SOX5: variants seen among roughly 807,000 people sequenced by gnomAD.
SOX5 encodes transcription factor SOX-5.
SOX5 carries 9 observed loss-of-function variants against 92.0 expected under a neutral mutation model. The observed-to-expected ratio is 0.10, with a 90% CI of 0.06 to 0.17. The LOEUF (loss-of-function observed/expected upper bound fraction) is 0.17, where lower values mean the gene tolerates loss of function less well. Among genes scored for constraint, SOX5 ranks in the 10% least tolerant of loss-of-function variants. The probability of loss-of-function intolerance (pLI) is 1.00; values close to 1 mark genes in which losing one functional copy is unlikely to be tolerated. For missense variants in SOX5, 642 were observed against 944.5 expected, an observed-to-expected ratio of 0.68 and a Z score of 4.20; for synonymous variants, 344 against 336.3, an observed-to-expected ratio of 1.02 and a Z score of -0.25.
At chr12:24,517,734 G>GTT (rs1949924977) in intron 1 of SOX5, among the ~76,000 whole-genome samples, 1 of 148,924 alleles carries the variant, frequency 6.7e-6, no homozygotes, top group African/African-American at 2.5e-5. Context: ...ATCCTCCCAG[G>GTT]TTTACAACTC....
intron 4 of SOX5, among the ~76,000 whole-genome samples, chr12:24,014,473 G>T (rs900483081): frequency 5.3e-5 from 8 of 152,098 alleles, no homozygotes; most frequent in African/African-American, 1.9e-4. Context: ...TATGTATAAG[G>T]CAGCAAACAG....
chr12:23,832,764 C>A (rs12319752), intron 3 of SOX5, among the ~76,000 whole-genome samples: 1 of 150,110 alleles, frequency 6.7e-6, no homozygotes, highest in Admixed American at 6.7e-5. Context: ...TTTTTTACAA[C>A]GTAAATTACA....
At chr12:23,999,741 A>T (rs1450323743) in intron 4 of SOX5, among the ~76,000 whole-genome samples, 3 of 152,040 alleles carry the variant, frequency 2.0e-5, no homozygotes, top group Non-Finnish European at 2.9e-5. Context: ...ACAGAAAAAA[A>T]CTCAACTGTT....
At chr12:23,891,593 T>G (rs74517055) in intron 2 of SOX5, among the ~76,000 whole-genome samples, 6,213 of 119,634 alleles carry the variant, frequency 0.052, 402 homozygotes, top group African/African-American at 0.16. Flanking sequence ...AAATACACAA[T>G]GAAAAGCTGC....
At chr12:23,539,651 A>T (rs1425017613) in intron 13 of SOX5, among the ~76,000 whole-genome samples, 2 of 152,084 alleles carry the variant, frequency 1.3e-5, no homozygotes, top group African/African-American at 2.4e-5. Flanking sequence ...ATGTAAAGAA[A>T]TGGGATAATA....
intron 1 of SOX5, among the ~76,000 whole-genome samples, chr12:24,453,177 C>T (rs2015115147): frequency 6.6e-6 from 1 of 152,064 alleles, no homozygotes; most frequent in Non-Finnish European, 1.5e-5. Context: ...TGGACAACCA[C>T]ATTTCAGGAA....
At chr12:23,981,270 C>G (rs1949545926) in intron 4 of SOX5, among the ~76,000 whole-genome samples, 1 of 152,126 alleles carries the variant, frequency 6.6e-6, no homozygotes, top group African/African-American at 2.4e-5. Context: ...CACCTTCTCC[C>G]TCTCCACAGC....
At chr12:24,187,115 T>C (rs1374236434) in intron 4 of SOX5, among the ~76,000 whole-genome samples, 1 of 152,134 alleles carries the variant, frequency 6.6e-6, no homozygotes, top group Non-Finnish European at 1.5e-5. Context: ...GCACAATCAG[T>C]CCCATCTCAT....
At chr12:23,848,032 C>A (rs1051491908) in intron 2 of SOX5, among the ~76,000 whole-genome samples, 4 of 152,132 alleles carry the variant, frequency 2.6e-5, no homozygotes, top group African/African-American at 9.7e-5. Context: ...AGCTTAGTTT[C>A]ATGTGCAAAC....
intron 1 of SOX5, among the ~76,000 whole-genome samples, chr12:24,489,754 T>C (rs1450191493): frequency 6.6e-6 from 1 of 152,142 alleles, no homozygotes; most frequent in Non-Finnish European, 1.5e-5. Flanking sequence ...ATTCCTGCCA[T>C]CCCAAGGCAG....
At chr12:24,133,489 G>A (rs1162175508) in intron 4 of SOX5, among the ~76,000 whole-genome samples, 1 of 152,146 alleles carries the variant, frequency 6.6e-6, no homozygotes, top group Non-Finnish European at 1.5e-5. Context: ...GGGGAGGTGG[G>A]TACAGTTTAC....
At chr12:23,815,405 T>A (rs2095970019) in intron 3 of SOX5, among the ~76,000 whole-genome samples, 2 of 152,298 alleles carry the variant, frequency 1.3e-5, no homozygotes, top group South Asian at 4.1e-4. Flanking sequence ...CAACAACCTT[T>A]TTTAAAATTT....
rs1959617137 is a variant in SOX5 at position 24,218,576 on chromosome 12, T to C, written c.-76-5159A>G. Among the ~76,000 whole-genome samples, 4 of 152,194 alleles carry C rather than the reference T, an allele frequency of 2.6e-5. No individual in the cohort carries two copies. The South Asian group carries it at 8.3e-4, about 32-fold the overall frequency. On this transcript the variant is annotated intron_variant, in intron 3 of 4. Transcript: ENST00000446891. ...GGTAGTGGTGACACTGAATAATCCA[T>C]GAACTCACTAAAAAACATTGACATG...
intron 7 of SOX5, among the ~76,000 whole-genome samples, chr12:23,651,817 C>T (rs1215342153): frequency 6.6e-6 from 1 of 150,968 alleles, no homozygotes; most frequent in East Asian, 1.9e-4. Flanking sequence ...GTAGGAGGTA[C>T]AACAGGATCA....
chr12:23,934,124 A>T (rs1942020076), intron 1 of SOX5, among the ~76,000 whole-genome samples: 1 of 151,506 alleles, frequency 6.6e-6, no homozygotes, highest in African/African-American at 2.4e-5. Context: ...ATTTTCTGTA[A>T]TACTTCTGTT....
intron 1 of SOX5, among the ~76,000 whole-genome samples, chr12:24,520,263 A>G (rs951050012): frequency 2.6e-5 from 4 of 152,116 alleles, no homozygotes; most frequent in African/African-American, 7.2e-5. Context: ...AAATATATAA[A>G]CATATACAGA....
intron 2 of SOX5, among the ~76,000 whole-genome samples, chr12:23,881,143 G>A (rs1036453815): frequency 6.6e-6 from 1 of 152,112 alleles, no homozygotes; most frequent in Non-Finnish European, 1.5e-5. Context: ...CTGTTTAACA[G>A]TGTGCTGCCA....
At chr12:23,593,869 A>C (rs560505632) in intron 9 of SOX5, among the ~76,000 whole-genome samples, 1 of 152,174 alleles carries the variant, frequency 6.6e-6, no homozygotes, top group Non-Finnish European at 1.5e-5. Flanking sequence ...AAAAGGAGAG[A>C]GAGAGAGAGG....
intron 4 of SOX5, among the ~76,000 whole-genome samples, chr12:24,187,803 G>A (rs1425784205): frequency 6.6e-6 from 1 of 152,048 alleles, no homozygotes; most frequent in Non-Finnish European, 1.5e-5. Flanking sequence ...TCAGTCATTC[G>A]TCCAAAATTC....
Sources: allele counts gnomAD v4.1 joint callset (sites outside exome capture counted in the v4.1 genomes callset), GRCh38; gene constraint gnomAD v4.1.1; transcripts MANE v1.5; gene names NCBI Gene and HGNC (gene_info 2026-07-23, HGNC 2026-07-21).